Variants in TRAF2 observed in about 807,000 individuals in gnomAD.
TRAF2 encodes TNF receptor associated factor 2.
In TRAF2, 6 loss-of-function variants were observed where a neutral mutation model predicts 55.6. The observed-to-expected ratio is 0.11, with a 90% CI of 0.06 to 0.21. The LOEUF is 0.21. Ranked by LOEUF, TRAF2 falls within the 10% of genes least tolerant of loss-of-function variation. The pLI, the probability that TRAF2 is intolerant of heterozygous loss-of-function variation, is 1.00. For synonymous variants in TRAF2, 329 were observed against 276.3 expected, an observed-to-expected ratio of 1.19 and a Z score of -1.89; for missense variants, 561 against 684.5, an observed-to-expected ratio of 0.82 and a Z score of 2.01.
intron 9 of TRAF2, among the ~76,000 whole-genome samples, chr9:136,923,479 C>T (rs547366505): frequency 4.6e-5 from 7 of 151,882 alleles, no homozygotes; most frequent in Non-Finnish European, 1.0e-4. Flanking sequence ...GGTGTGGTGT[C>T]GAGCGTCTGT....
At chr9:136,910,698 G>C (rs915885108) in intron 6 of TRAF2, among the ~76,000 whole-genome samples, 4 of 152,194 alleles carry the variant, frequency 2.6e-5, no homozygotes, top group African/African-American at 4.8e-5. Context: ...CTACAGGAGG[G>C]GTCAGGCTGG....
At chr9:136,910,164 C>T (rs1208199327) in intron 6 of TRAF2, 170 bp downstream of exon 6, 1 of 697,994 alleles carries the variant, frequency 1.4e-6, no homozygotes, top group Non-Finnish European at 2.5e-6. Flanking sequence ...CGGCCGCTCT[C>T]CTGAGTGGGC....
chr9:136,885,037 A>T (rs1454072186), upstream of TRAF2, among the ~76,000 whole-genome samples: 2 of 152,206 alleles, frequency 1.3e-5, no homozygotes, highest in Non-Finnish European at 2.9e-5. Flanking sequence ...CAGCAAACTC[A>T]GGGGTGATGA....
intron 6 of TRAF2, 83 bp from the exon 7 acceptor site, chr9:136,916,458 G>T: frequency 1.4e-6 from 2 of 1,408,336 alleles, no homozygotes; most frequent in South Asian, 2.3e-5. Context: ...TGTAACCTCT[G>T]TGTCAGTCAG....
At chr9:136,913,871 C>T (rs1032412051) in intron 6 of TRAF2, among the ~76,000 whole-genome samples, 7 of 152,012 alleles carry the variant, frequency 4.6e-5, no homozygotes, top group Non-Finnish European at 8.8e-5. Flanking sequence ...AGGGCTTGGT[C>T]GGGTTCCTCA....
intron 2 of TRAF2, among the ~76,000 whole-genome samples, chr9:136,899,275 C>T (rs957928558): frequency 4.6e-5 from 7 of 152,172 alleles, no homozygotes; most frequent in Non-Finnish European, 1.0e-4. Flanking sequence ...TTCCTTGCAG[C>T]GAGTGGTCTG....
chr9:136,882,601 G>C (rs1009429655), upstream of TRAF2: 11 of 943,608 alleles, frequency 1.2e-5, no homozygotes, highest in African/African-American at 2.0e-4. Flanking sequence ...AGACTGCCCG[G>C]GGACATACCC....
chr9:136,900,652 G>A (rs1849799082), intron 4 of TRAF2, 132 bp downstream of exon 4: 1 of 763,168 alleles, frequency 1.3e-6, no homozygotes, highest in Admixed American at 2.0e-5. Flanking sequence ...TGTCTGTGGA[G>A]GAAGAGACGG....
Position 136,920,528 on chromosome 9 carries a change from C to CGGGT in TRAF2, c.960+16_960+19dup. 3.8e-6 allele frequency: 6 copies of CGGGT among 1,599,634 alleles called. No homozygotes were observed. Among genetic ancestry groups the CGGGT allele is most frequent in the Non-Finnish European group, 5.1e-6 (6 of 1,171,654 alleles). On this transcript the variant is annotated intron_variant, in intron 8 of 10. Transcript: ENST00000247668. Reference sequence around the variant, plus strand: ...CCTGAGTAGCAAGGTTTGTGCCTGCCGGGTGGCCAGCCATGAGGAGGACAG... The same window carrying CGGGT: ...CCTGAGTAGCAAGGTTTGTGCCTGCCGGGTGGGTGGCCAGCCATGAGGAGGACAG...
At chr9:136,913,774 A>G (rs1007086922) in intron 6 of TRAF2, among the ~76,000 whole-genome samples, 1 of 151,670 alleles carries the variant, frequency 6.6e-6, no homozygotes, top group African/African-American at 2.4e-5. Flanking sequence ...AGAGCTGTGC[A>G]GAGGCACAGG....
upstream of TRAF2, chr9:136,882,158 G>C: frequency 8.2e-6 from 5 of 612,250 alleles, no homozygotes; most frequent in South Asian, 3.6e-4. Context: ...GTCGTCCCAA[G>C]ACCTGAGTAA....
At chr9:136,893,438 C>A (rs1235109556) in intron 1 of TRAF2, among the ~76,000 whole-genome samples, 1 of 152,150 alleles carries the variant, frequency 6.6e-6, no homozygotes, top group African/African-American at 2.4e-5. Context: ...AAGAGTCAGC[C>A]CTATTCAGGT....
intron 10 of TRAF2, 90 bp from the exon 11 acceptor site, chr9:136,925,593 G>C: frequency 1.5e-6 from 2 of 1,348,598 alleles, no homozygotes; most frequent in Non-Finnish European, 2.1e-6. Flanking sequence ...ATGGCCTCCT[G>C]CTGGTGGCCC....
At chr9:136,897,770 A>G in intron 1 of TRAF2, among the ~76,000 whole-genome samples, 1 of 141,608 alleles carries the variant, frequency 7.1e-6, no homozygotes, top group African/African-American at 2.7e-5. Context: ...AGCTAAAGGG[A>G]GTGCACTAGC....
chr9:136,882,429 C>T (rs535183893), upstream of TRAF2, among the ~76,000 whole-genome samples: 5 of 152,364 alleles, frequency 3.3e-5, no homozygotes, highest in South Asian at 1.0e-3. Context: ...CTGCTGTGGT[C>T]CATGGTCATG....
chr9:136,887,190 G>C (rs1268094909), intron 1 of TRAF2, among the ~76,000 whole-genome samples: 2 of 152,236 alleles, frequency 1.3e-5, no homozygotes, highest in African/African-American at 4.8e-5. Flanking sequence ...GGGATGGGCT[G>C]CGGTGGACCG....
intron 10 of TRAF2, among the ~76,000 whole-genome samples, 178 bp from the exon 11 acceptor site, chr9:136,925,505 G>T (rs1033125716): frequency 2.0e-5 from 3 of 152,142 alleles, no homozygotes; most frequent in African/African-American, 7.2e-5. Context: ...GGGCTGGGGA[G>T]CCCGGGCGCT....
At chr9:136,895,166 T>TG in intron 1 of TRAF2, among the ~76,000 whole-genome samples, 1 of 152,146 alleles carries the variant, frequency 6.6e-6, no homozygotes, top group Admixed American at 6.5e-5. Context: ...CTGGGCCTGC[T>TG]GGGAGAGGTC....
At chr9:136,921,361 A>G (rs1450786835) in intron 9 of TRAF2, 146 bp downstream of exon 9, 9 of 1,057,800 alleles carry the variant, frequency 8.5e-6, no homozygotes, top group Non-Finnish European at 1.2e-5. Flanking sequence ...CACCTCCCTG[A>G]GTGGCAAGTG....
Sources: allele counts gnomAD v4.1 joint callset (sites outside exome capture counted in the v4.1 genomes callset), GRCh38; gene constraint gnomAD v4.1.1; transcripts MANE v1.5; gene names NCBI Gene and HGNC (gene_info 2026-07-23, HGNC 2026-07-21).